VRK1: variants seen among roughly 807,000 people sequenced by gnomAD.
The protein encoded by VRK1 is VRK serine/threonine kinase 1.
In VRK1, 33 loss-of-function variants were observed where a neutral mutation model predicts 57.1. The observed-to-expected ratio is 0.58, with a 90% CI of 0.44 to 0.77. The LOEUF is 0.77. VRK1 is among the 30% of genes least tolerant of loss of function. VRK1 has a pLI of 0.00. For missense variants in VRK1, 413 were observed against 477.3 expected (o/e 0.87, Z 1.25); for synonymous variants, 137 against 147.8 (o/e 0.93, Z 0.53).
intron 1 of VRK1, among the ~76,000 whole-genome samples, chr14:96,804,890 A>T (rs754971561): frequency 1.7e-4 from 26 of 152,200 alleles, no homozygotes; most frequent in South Asian, 8.3e-4. Context: ...TCAGTGATGG[A>T]TATGGAGAAG....
chr14:96,856,088 A>G, intron 8 of VRK1, 42 bp from the exon 9 acceptor site: 2 of 1,607,452 alleles, frequency 1.2e-6, no homozygotes, highest in Non-Finnish European at 1.7e-6. Context: ...ATACATTAAA[A>G]ATTATTTCAG....
At chr14:96,834,914 T>A (rs879799833) in intron 2 of VRK1, among the ~76,000 whole-genome samples, 1 of 152,226 alleles carries the variant, frequency 6.6e-6, no homozygotes, top group African/African-American at 2.4e-5. Context: ...TGTGGACTTA[T>A]GCCATCCTGT....
chr14:96,804,612 C>A (rs1885797310), intron 1 of VRK1, among the ~76,000 whole-genome samples: 1 of 152,148 alleles, frequency 6.6e-6, no homozygotes, highest in African/African-American at 2.4e-5. Flanking sequence ...CATTTGTAAT[C>A]AGTTTCATTG....
At position 96,808,134 on chromosome 14, in the gene VRK1, G is replaced by A. The variant is rs191779941; in HGVS notation, c.-6+10687G>A. Among the ~76,000 whole-genome samples the A allele has an allele frequency of 1.1e-3, 169 of 152,088 alleles. 2 individuals carry two copies. In the Middle Eastern group the frequency reaches 0.014, roughly 12 times the overall value. ...AGGCAGCTGGGCAGAAAGGAAGTAA[G>A]AAAGGAGACCAAGAAGTGGTGGTCA... On this transcript the variant is annotated intron_variant, in intron 1 of 12. Transcript: ENST00000216639.
chr14:96,873,385 T>C (rs1467924404), intron 11 of VRK1, among the ~76,000 whole-genome samples: 1 of 152,212 alleles, frequency 6.6e-6, no homozygotes, highest in African/African-American at 2.4e-5. Context: ...TTAGCATATC[T>C]GAACACTTCA....
chr14:96,834,009 C>T (rs1346154446), intron 2 of VRK1, among the ~76,000 whole-genome samples: 1 of 152,144 alleles, frequency 6.6e-6, no homozygotes, highest in African/African-American at 2.4e-5. Context: ...AAATCTTTTA[C>T]AAGTGTGAGT....
intron 12 of VRK1, among the ~76,000 whole-genome samples, chr14:96,880,301 G>T (rs760180180): frequency 6.6e-6 from 1 of 152,194 alleles, no homozygotes; most frequent in South Asian, 2.1e-4. Flanking sequence ...CAGAAAAGAA[G>T]TATTGATCTT....
chr14:96,856,487 T>C (rs750914939), intron 9 of VRK1, 41 bp from the exon 10 acceptor site: 9 of 1,529,932 alleles, frequency 5.9e-6, no homozygotes, highest in Non-Finnish European at 8.1e-6. Flanking sequence ...TATTAACATA[T>C]GACATCAAGC....
intron 1 of VRK1, among the ~76,000 whole-genome samples, chr14:96,812,169 T>A (rs1595642840): frequency 6.6e-6 from 1 of 152,228 alleles, no homozygotes; most frequent in Non-Finnish European, 1.5e-5. Context: ...CAAATTTGAT[T>A]TATCCATTCA....
At chr14:96,844,537 C>G (rs1887597290) in intron 3 of VRK1, among the ~76,000 whole-genome samples, 2 of 152,066 alleles carry the variant, frequency 1.3e-5, no homozygotes, top group African/African-American at 4.8e-5. Flanking sequence ...CCGTTTTCCT[C>G]TAAGTACTTT....
At chr14:96,847,654 T>G (rs1263193919) in intron 5 of VRK1, among the ~76,000 whole-genome samples, 1 of 152,112 alleles carries the variant, frequency 6.6e-6, no homozygotes, top group East Asian at 1.9e-4. Flanking sequence ...TTTTCCTCCT[T>G]GCCTTTAGAA....
At chr14:96,879,195 A>G (rs934661874) in intron 12 of VRK1, among the ~76,000 whole-genome samples, 10 of 151,744 alleles carry the variant, frequency 6.6e-5, no homozygotes, top group African/African-American at 2.2e-4. Flanking sequence ...CTTTGCCAGT[A>G]GTGTATATTA....
Position 96,840,573 on chromosome 14 carries a change from T to G in VRK1, c.216+2756T>G, listed in dbSNP as rs59171442. On this transcript the variant is annotated intron_variant, in intron 3 of 12. Transcript: ENST00000216639. ...TTAAATTGGGTCATTTGTATTTAAT[T>G]GCAGAATATTGTGTGCATTTGTTTT... 4.2e-3 allele frequency among the ~76,000 whole-genome samples: 646 copies of G among 152,356 alleles called. 3 individuals are homozygous for G. The highest frequency in any genetic ancestry group is 0.014 in the African/African-American group (599 of 41,578).
chr14:96,831,657 T>C (rs1223865154), intron 1 of VRK1, among the ~76,000 whole-genome samples: 1 of 152,194 alleles, frequency 6.6e-6, no homozygotes. Context: ...TTTTGTCACT[T>C]CTGGAAAGGA....
chr14:96,867,170 G>C (rs545231953), intron 11 of VRK1, among the ~76,000 whole-genome samples: 1 of 152,046 alleles, frequency 6.6e-6, no homozygotes, highest in South Asian at 2.1e-4. Flanking sequence ...TGTTATCCAT[G>C]TCCTTTCTCT....
chr14:96,809,788 G>T (rs759788376), intron 1 of VRK1, among the ~76,000 whole-genome samples: 69 of 152,098 alleles, frequency 4.5e-4, no homozygotes, highest in Non-Finnish European at 7.2e-4. Context: ...GGCCAGACTG[G>T]ACTCCAACTC....
At chr14:96,867,625 T>C (rs1481125382) in intron 11 of VRK1, among the ~76,000 whole-genome samples, 1 of 152,152 alleles carries the variant, frequency 6.6e-6, no homozygotes, top group African/African-American at 2.4e-5. Context: ...TCCTTTCCTT[T>C]CCTTCTCTAT....
At chr14:96,823,139 C>G (rs1239012801) in intron 1 of VRK1, among the ~76,000 whole-genome samples, 1 of 152,222 alleles carries the variant, frequency 6.6e-6, no homozygotes, top group East Asian at 1.9e-4. Flanking sequence ...ACTCCCTATC[C>G]TCTATCTCCC....
In VRK1 at chr14:96,853,069, C is replaced by T; in HGVS notation, c.484-5C>T. ...ATTAACTTATTCTGTATGATACTTT[C>T]ATAGCTGGATATTCTGGAATATATT... On this transcript the variant is annotated splice_polypyrimidine_tract_variant and splice_region_variant and intron_variant, in intron 6 of 12. Coordinates refer to ENST00000216639, the MANE Select transcript of VRK1 (RefSeq NM_003384.3). 6.2e-7 allele frequency: 1 copy of T among 1,613,602 alleles called. No individual in the cohort carries two copies. Among genetic ancestry groups the T allele is most frequent in the Non-Finnish European group, 8.5e-7 (1 of 1,179,658 alleles).
Sources: gnomAD v4.1 joint callset for allele counts (sites outside exome capture counted in the v4.1 genomes callset) on GRCh38, gnomAD v4.1.1 for gene constraint, MANE v1.5 for transcripts, NCBI Gene and HGNC (gene_info 2026-07-23, HGNC 2026-07-21) for gene names.